PPFIA1: variants seen among roughly 807,000 people sequenced by gnomAD.
PPFIA1 encodes the protein PPFI scaffold protein A1, also known as liprin-alpha-1.
Under a neutral mutation model 149.9 loss-of-function variants are expected in PPFIA1, and 25 were observed. That is an observed-to-expected ratio of 0.17 (90% CI 0.12 to 0.23). PPFIA1 has a LOEUF of 0.23. PPFIA1 is among the 10% of genes least tolerant of loss of function. The pLI is 1.00. For synonymous variants in PPFIA1, 549 were observed against 552.8 expected (o/e 0.99, Z 0.10); for missense variants, 1,362 against 1,506.5 (o/e 0.90, Z 1.59).
At chr11:70,349,815 A>T in intron 16 of PPFIA1, 1 of 435,816 alleles carries the variant, frequency 2.3e-6, no homozygotes, top group Non-Finnish European at 4.6e-6. Context: ...ACAGTTGTGT[A>T]TGTATATATA....
At chr11:70,305,685 A>T (rs988200305) in intron 2 of PPFIA1, among the ~76,000 whole-genome samples, 21 of 152,106 alleles carry the variant, frequency 1.4e-4, no homozygotes, top group Non-Finnish European at 3.1e-4. Flanking sequence ...TGTTTGTTCT[A>T]ATAAAAATGT....
intron 2 of PPFIA1, among the ~76,000 whole-genome samples, chr11:70,276,463 G>A (rs572160390): frequency 1.3e-5 from 2 of 152,072 alleles, no homozygotes; most frequent in Admixed American, 6.5e-5. Flanking sequence ...TTATATTCAC[G>A]AGAAAGATTG....
intron 2 of PPFIA1, among the ~76,000 whole-genome samples, chr11:70,309,232 C>T (rs899657940): frequency 1.3e-5 from 2 of 151,926 alleles, no homozygotes; most frequent in Non-Finnish European, 1.5e-5. Flanking sequence ...TGCAGTGGCG[C>T]GATCTCTGCC....
chr11:70,272,511 A>G (rs2050151323), intron 2 of PPFIA1, 75 bp downstream of exon 2: 1 of 1,425,860 alleles, frequency 7.0e-7, no homozygotes, highest in Non-Finnish European at 9.5e-7. Context: ...TCTTTTGTTA[A>G]TGTTTCAGAT....
chr11:70,331,099 G>T (rs868682848), intron 8 of PPFIA1, among the ~76,000 whole-genome samples: 9 of 152,092 alleles, frequency 5.9e-5, no homozygotes, highest in Non-Finnish European at 1.3e-4. Flanking sequence ...GGGCTTGGTG[G>T]CGCGCATCTG....
chr11:70,354,249 G>T (rs1426143932), intron 16 of PPFIA1, 52 bp from the exon 17 acceptor site: 4 of 1,543,860 alleles, frequency 2.6e-6, no homozygotes, highest in Non-Finnish European at 3.5e-6. Context: ...TTTAAGGCCT[G>T]AGTTTTTCAC....
At chr11:70,309,256 G>A (rs1005733221) in intron 2 of PPFIA1, among the ~76,000 whole-genome samples, 4 of 151,814 alleles carry the variant, frequency 2.6e-5, no homozygotes, top group Non-Finnish European at 4.4e-5. Context: ...CGCAACCTCC[G>A]CCTCTCGGGT....
intron 2 of PPFIA1, among the ~76,000 whole-genome samples, chr11:70,287,585 T>TC (rs1380675953): frequency 6.6e-6 from 1 of 151,654 alleles, no homozygotes; most frequent in Non-Finnish European, 1.5e-5. Flanking sequence ...TGCCTCAGCC[T>TC]CCCAAAGTGT....
At chr11:70,373,662 C>T (rs1397207980) in intron 23 of PPFIA1, 1 of 152,172 alleles carries the variant, frequency 6.6e-6, no homozygotes, top group Non-Finnish European at 1.5e-5. Context: ...GAGTAGGTGC[C>T]AGGTGGTGTT....
chr11:70,320,436 CTT>C (rs34619705), intron 2 of PPFIA1, among the ~76,000 whole-genome samples: 15 of 128,302 alleles, frequency 1.2e-4, no homozygotes, highest in African/African-American at 9.1e-5. Context: ...GATGTAGCTA[CTT>C]TTTTTTTTTT....
At chr11:70,353,948 G>T (rs890270965) in intron 16 of PPFIA1, among the ~76,000 whole-genome samples, 97 of 152,332 alleles carry the variant, frequency 6.4e-4, no homozygotes, top group African/African-American at 2.3e-3. Context: ...TAACGATGTG[G>T]TTTATCGGTG....
Position 70,346,625 on chromosome 11 carries a change from C to T in PPFIA1, c.1932-1564C>T, listed in dbSNP as rs118078150. ...GTGCAAAATAATTAGTGTGATGAAGCGTTCAGAAAGATCGTCTTTCCTCAT... is the reference window on the plus strand; with the variant it reads ...GTGCAAAATAATTAGTGTGATGAAGTGTTCAGAAAGATCGTCTTTCCTCAT... On this transcript the variant is annotated intron_variant, in intron 15 of 27. Transcript: ENST00000253925. Among the ~76,000 whole-genome samples, 359 of 152,174 alleles carry T rather than the reference C, an allele frequency of 2.4e-3. 3 individuals are homozygous for T. In the East Asian group the frequency reaches 0.052, roughly 22 times the overall value.
At chr11:70,377,405 A>C (rs1450675030) in intron 25 of PPFIA1, among the ~76,000 whole-genome samples, 2 of 152,152 alleles carry the variant, frequency 1.3e-5, no homozygotes, top group Non-Finnish European at 2.9e-5. Context: ...ATTGGACCTT[A>C]AGAAAAGTTG....
At chr11:70,364,489 C>T (rs144844618) in intron 21 of PPFIA1, 1 of 152,344 alleles carries the variant, frequency 6.6e-6, no homozygotes, top group East Asian at 1.9e-4. Flanking sequence ...TGAAGAGCCT[C>T]ACACATTTCT....
intron 12 of PPFIA1, 121 bp downstream of exon 12, chr11:70,337,548 C>A (rs2137032581): frequency 1.6e-6 from 1 of 621,288 alleles, no homozygotes; most frequent in East Asian, 3.3e-5. Context: ...TAGTCCACTG[C>A]CATAAGTTTC....
At chr11:70,277,071 T>TTC (rs60286606) in intron 2 of PPFIA1, among the ~76,000 whole-genome samples, 1 of 143,558 alleles carries the variant, frequency 7.0e-6, no homozygotes, top group South Asian at 2.1e-4. Flanking sequence ...TTTTTTTTTT[T>TTC]CCAGGCACAG....
intron 16 of PPFIA1, chr11:70,350,901 A>C (rs1416768634): frequency 2.7e-5 from 16 of 602,310 alleles, no homozygotes; most frequent in Non-Finnish European, 3.5e-5. Context: ...TTTCTATTTT[A>C]ATATATTTGC....
At chr11:70,368,805 C>A (rs1417185322) in intron 21 of PPFIA1, among the ~76,000 whole-genome samples, 1 of 152,184 alleles carries the variant, frequency 6.6e-6, no homozygotes, top group African/African-American at 2.4e-5. Context: ...CAAATAAAGA[C>A]AATTTTATTT....
chr11:70,378,570 T>G (rs1344763861), intron 26 of PPFIA1: 1 of 535,724 alleles, frequency 1.9e-6, no homozygotes, highest in East Asian at 1.3e-4. Flanking sequence ...CCACATAATT[T>G]ACTGCTCTCC....
Sources: allele counts gnomAD v4.1 joint callset (sites outside exome capture counted in the v4.1 genomes callset), GRCh38; gene constraint gnomAD v4.1.1; transcripts MANE v1.5; gene names NCBI Gene and HGNC (gene_info 2026-07-23, HGNC 2026-07-21).